Variants in ABTB3 observed in about 807,000 individuals in gnomAD.
ABTB3 encodes the protein ankyrin repeat- and BTB/POZ domain-containing protein 3.
chr12:107,618,252 GA>G, the ABTB3 span: 1 of 1,613,834 alleles, frequency 6.2e-7, no homozygotes, highest in Non-Finnish European at 8.5e-7. Flanking sequence ...TGACCTGGCG[GA>G]GACAGCCCCG....
the ABTB3 span, among the ~76,000 whole-genome samples, chr12:107,480,183 G>T: frequency 6.6e-6 from 1 of 152,164 alleles, no homozygotes; most frequent in Non-Finnish European, 1.5e-5. Context: ...AAAACCCAGA[G>T]AATGTTTAAG....
the ABTB3 span, among the ~76,000 whole-genome samples, chr12:107,511,108 T>C: frequency 6.6e-6 from 1 of 152,090 alleles, no homozygotes; most frequent in East Asian, 1.9e-4. Flanking sequence ...GAGAGTCATT[T>C]TATTATCTTT....
At chr12:107,604,933 A>G in the ABTB3 span, among the ~76,000 whole-genome samples, 1 of 152,078 alleles carries the variant, frequency 6.6e-6, no homozygotes, top group Non-Finnish European at 1.5e-5. Context: ...ATTCAGTCTT[A>G]AAAAAAAGAA....
At chr12:107,447,532 C>T in the ABTB3 span, among the ~76,000 whole-genome samples, 3 of 152,340 alleles carry the variant, frequency 2.0e-5, no homozygotes, top group East Asian at 5.8e-4. Context: ...GCCAAACCCA[C>T]ACCCCAAGCT....
At chr12:107,527,575 A>C in the ABTB3 span, among the ~76,000 whole-genome samples, 34 of 150,172 alleles carry the variant, frequency 2.3e-4, no homozygotes, top group Admixed American at 2.3e-3. Flanking sequence ...CCTGGCCAAG[A>C]GTTTTTGTTT....
At chr12:107,570,273 G>C in the ABTB3 span, among the ~76,000 whole-genome samples, 1 of 152,164 alleles carries the variant, frequency 6.6e-6, no homozygotes, top group East Asian at 1.9e-4. Context: ...GGAGTGCAGT[G>C]GTGCAATCTC....
chr12:107,392,679 C>T, the ABTB3 span, among the ~76,000 whole-genome samples: 2 of 152,188 alleles, frequency 1.3e-5, no homozygotes, highest in East Asian at 3.8e-4. Flanking sequence ...CTCCATGTTT[C>T]CATAGCAATC....
At chr12:107,335,176 A>G in the ABTB3 span, among the ~76,000 whole-genome samples, 1 of 151,118 alleles carries the variant, frequency 6.6e-6, no homozygotes, top group African/African-American at 2.4e-5. Context: ...CATCCCATCT[A>G]CTCGGGAGCC....
At chr12:107,582,024 T>C in the ABTB3 span, among the ~76,000 whole-genome samples, 1 of 152,164 alleles carries the variant, frequency 6.6e-6, no homozygotes, top group Non-Finnish European at 1.5e-5. Flanking sequence ...TTCAAATCCC[T>C]TCCTACCCAC....
the ABTB3 span, among the ~76,000 whole-genome samples, chr12:107,655,554 AAAGAAAGAAAAC>A: frequency 5.9e-5 from 9 of 152,254 alleles, no homozygotes; most frequent in Non-Finnish European, 1.3e-4. Flanking sequence ...AAAGAGTGGT[AAAGAAAGAAAAC>A]AACACTTGCG....
the ABTB3 span, among the ~76,000 whole-genome samples, chr12:107,459,857 GC>G: frequency 1.3e-5 from 2 of 152,208 alleles, no homozygotes; most frequent in African/African-American, 4.8e-5. Context: ...CCTCCAGAGT[GC>G]CCCCTACAGC....
At chr12:107,445,605 AG>A in the ABTB3 span, among the ~76,000 whole-genome samples, 1 of 152,194 alleles carries the variant, frequency 6.6e-6, no homozygotes, top group East Asian at 1.9e-4. Context: ...GAACACTGAA[AG>A]TTTCAGCAAA....
the ABTB3 span, among the ~76,000 whole-genome samples, chr12:107,531,089 T>C: frequency 5.9e-5 from 9 of 152,350 alleles, 1 homozygote; most frequent in Admixed American, 5.9e-4. Context: ...TGTTTTCTTA[T>C]CTGCAAAGCA....
chr12:107,546,616 G>A, the ABTB3 span, among the ~76,000 whole-genome samples: 2 of 152,116 alleles, frequency 1.3e-5, no homozygotes, highest in African/African-American at 4.8e-5. Flanking sequence ...ATAGTCTTCT[G>A]ACCTTGGGAG....
At chr12:107,503,465 A>G in the ABTB3 span, among the ~76,000 whole-genome samples, 1 of 152,042 alleles carries the variant, frequency 6.6e-6, no homozygotes, top group Non-Finnish European at 1.5e-5. Context: ...CAGAATACAG[A>G]CAATAAAAGG....
the ABTB3 span, among the ~76,000 whole-genome samples, chr12:107,433,051 C>T: frequency 7.3e-5 from 11 of 151,082 alleles, no homozygotes; most frequent in Non-Finnish European, 1.3e-4. Context: ...TTTGGGAGGC[C>T]GAGGCGGGTG....
chr12:107,552,512 C>T, the ABTB3 span, among the ~76,000 whole-genome samples: 3 of 152,194 alleles, frequency 2.0e-5, no homozygotes, highest in African/African-American at 7.2e-5. Flanking sequence ...AATATAGGAT[C>T]CAGATACTAC....
chr12:107,383,850 C>A, the ABTB3 span, among the ~76,000 whole-genome samples: 1 of 152,172 alleles, frequency 6.6e-6, no homozygotes, highest in Admixed American at 6.5e-5. Context: ...AAGCAAATTG[C>A]AGACAGTTCA....
chr12:107,575,433 C>T, the ABTB3 span, among the ~76,000 whole-genome samples: 1 of 152,116 alleles, frequency 6.6e-6, no homozygotes, highest in Non-Finnish European at 1.5e-5. Flanking sequence ...TCCAATAACC[C>T]TGTTTATTTG....
Sources: allele counts gnomAD v4.1 joint callset (sites outside exome capture counted in the v4.1 genomes callset), GRCh38; gene constraint gnomAD v4.1.1; transcripts MANE v1.5; gene names NCBI Gene and HGNC (gene_info 2026-07-23, HGNC 2026-07-21).